The following CD163L1 variants were observed in gnomAD, a reference collection of about 807,000 sequenced individuals.
CD163L1 encodes the protein scavenger receptor cysteine-rich type 1 protein M160.
In CD163L1, 124 loss-of-function variants were observed where a neutral mutation model predicts 165.4. The ratio of observed to expected loss-of-function variants is 0.75; its 90% CI spans 0.65 to 0.87. CD163L1 has a LOEUF of 0.87. Ranked by LOEUF, CD163L1 falls within the 40% of genes least tolerant of loss-of-function variation. The pLI is 0.00. For missense variants in CD163L1, 1,525 were observed against 1,799.9 expected (o/e 0.85, Z 2.76); for synonymous variants, 585 against 662.2 (o/e 0.88, Z 1.79).
In CD163L1 at chr12:7,373,387, C is replaced by A. The variant is rs748553409; in HGVS notation, c.3663G>T (p.Gln1221His). Reference sequence around the variant, plus strand: ...TTCGCTCCCATGGGGCAGACAGGCACTGCCATATGGAGATATGCGTTTTAG... The same window carrying A: ...TTCGCTCCCATGGGGCAGACAGGCAATGCCATATGGAGATATGCGTTTTAG... ...QCPKTHISIWQCLSAPWERRI... is the reference protein window; with the variant it reads ...QCPKTHISIWHCLSAPWERRI... Residue 1221 changes from glutamine (Q) to histidine (H), a missense_variant, in exon 14 of 20, where the codon CAG (glutamine) becomes CAT (histidine). By Grantham distance (24) the Gln-to-His change is conservative (BLOSUM62 0). Coordinates refer to ENST00000313599, the MANE Select transcript of CD163L1 (RefSeq NM_174941.6). 6.2e-7 allele frequency: 1 copy of A among 1,614,000 alleles called. No homozygotes were observed. Among genetic ancestry groups the A allele is most frequent in the African/African-American group, 1.3e-5 (1 of 74,934 alleles).
At chr12:7,319,096 C>G in the CD163L1 span, among the ~76,000 whole-genome samples, 15 of 152,098 alleles carry the variant, frequency 9.9e-5, no homozygotes, top group African/African-American at 3.1e-4. Flanking sequence ...TCAGTGGAAG[C>G]CCTGAGATTG....
At chr12:7,442,185 G>A (rs927290500) in intron 1 of CD163L1, among the ~76,000 whole-genome samples, 5 of 152,130 alleles carry the variant, frequency 3.3e-5, no homozygotes, top group Non-Finnish European at 5.9e-5. Context: ...GTATGTAACA[G>A]CTGTAACTGT....
Position 7,406,519 on chromosome 12 carries a change from A to G in CD163L1, c.1087+13T>C. ...AATTTTATCTGATGTAATCATGTGG[A>G]TGTAAGTCTTACCTGAGCAGATCAC... On this transcript the variant is annotated intron_variant, in intron 5 of 19. Transcript: ENST00000313599. 6.2e-7 allele frequency: 1 copy of G among 1,608,244 alleles called. No individual in the cohort carries two copies. Among genetic ancestry groups the G allele is most frequent in the Non-Finnish European group, 8.5e-7 (1 of 1,178,594 alleles).
chr12:7,338,269 A>T, the CD163L1 span, among the ~76,000 whole-genome samples: 1 of 152,214 alleles, frequency 6.6e-6, no homozygotes, highest in African/African-American at 2.4e-5. Context: ...CCTATGTAAC[A>T]AACCTGCACA....
At chr12:7,405,332 CCTAA>C (rs766480970) in intron 5 of CD163L1, among the ~76,000 whole-genome samples, 10 of 152,160 alleles carry the variant, frequency 6.6e-5, no homozygotes, top group African/African-American at 2.4e-4. Flanking sequence ...TCTTTTCTCT[CCTAA>C]CTTTCGTCTA....
chr12:7,352,977 G>C (rs903668657), downstream of CD163L1, among the ~76,000 whole-genome samples: 1 of 152,198 alleles, frequency 6.6e-6, no homozygotes. Flanking sequence ...ATGAAATCTA[G>C]CTCTGAGGAG....
At chr12:7,389,071 G>A (rs1947586764) in intron 8 of CD163L1, among the ~76,000 whole-genome samples, 1 of 152,200 alleles carries the variant, frequency 6.6e-6, no homozygotes, top group South Asian at 2.1e-4. Context: ...AAACATAGGA[G>A]TGCAGATATC....
In CD163L1 at chr12:7,374,434, G is replaced by A. The variant is rs770459985; in HGVS notation, c.3409+8C>T. 7.5e-6 allele frequency: 12 copies of A among 1,603,546 alleles called. No homozygotes were observed. In the Admixed American group the frequency reaches 1.8e-4, roughly 25 times the overall value. On this transcript the variant is annotated splice_region_variant and intron_variant, in intron 13 of 19. Coordinates refer to ENST00000313599, the MANE Select transcript of CD163L1 (RefSeq NM_174941.6). This position sits in a 1 kb window ranked among gnomAD's most constrained non-coding sequence, Gnocchi z 5.4. ...TGTAGAGGAGGGTGAAAAGGTAGCA[G>A]CACAGACCTGAGCAGATGACCCCTG...
rs998807711 is a variant in CD163L1 at position 7,412,643 on chromosome 12, A to G, written c.767-5791T>C. On this transcript the variant is annotated intron_variant, in intron 4 of 19. Transcript: ENST00000313599. ...AGTATAAAAAGAGGAAGATCACAGG[A>G]AAAAAAAAATGTGTATTACCAGTAA... Among the ~76,000 whole-genome samples the G allele has an allele frequency of 6.0e-5, 9 of 150,184 alleles. No homozygotes were observed. The East Asian group carries it at 1.8e-3, about 29-fold the overall frequency.
the CD163L1 span, among the ~76,000 whole-genome samples, chr12:7,338,739 G>A: frequency 6.4e-4 from 97 of 152,260 alleles, no homozygotes; most frequent in African/African-American, 2.2e-3. Context: ...TGGCACATAT[G>A]GGATGAGGCT....
chr12:7,444,047 T>C (rs1328913895), intron 1 of CD163L1, 50 bp downstream of exon 1: 31 of 1,559,610 alleles, frequency 2.0e-5, no homozygotes, highest in Non-Finnish European at 2.5e-5. Context: ...ATATTCTTAG[T>C]ATACCCACCA....
At position 7,368,197 on chromosome 12, in the gene CD163L1, C is replaced by A. The variant is rs1009389129; in HGVS notation, c.4073G>T (p.Gly1358Val). Residue 1358 changes from glycine to valine, a missense_variant and splice_region_variant, in exon 17 of 20, where the codon GGT becomes GTT. By Grantham distance (109) the Gly-to-Val change is moderately radical. Transcript: ENST00000313599. The surrounding 1 kb of genome is among the most constrained non-coding windows in gnomAD (Gnocchi z 4.3). ...QSLKSLNASS[G>V]HLALILSSIF... ...ACTGGATAAAATAAGTGCTAAATGA[C>A]CTGTATAGAAATTAAGCATTGATAA... 2.0e-6 allele frequency: 3 copies of A among 1,531,824 alleles called. No individual in the cohort carries two copies. The highest frequency in any genetic ancestry group is 1.8e-6 in the Non-Finnish European group (2 of 1,106,250). 94.9% of individuals were successfully genotyped at this position (1,531,824 alleles called of 1,614,324 possible). A position where few individuals can be genotyped will look rare whatever the true frequency, so the allele number is the denominator to read the frequency against.
the CD163L1 span, among the ~76,000 whole-genome samples, chr12:7,336,519 G>A: frequency 6.6e-6 from 1 of 152,108 alleles, no homozygotes. Context: ...GGGGTGAGGG[G>A]AGCAGGGAGA....
the CD163L1 span, chr12:7,322,297 T>G: frequency 1.5e-6 from 2 of 1,372,550 alleles, no homozygotes; most frequent in Non-Finnish European, 1.0e-6. Context: ...ATTTGTTGAA[T>G]GAACTTTGCT....
the CD163L1 span, chr12:7,324,272 G>A: frequency 1.2e-6 from 2 of 1,611,660 alleles, no homozygotes; most frequent in South Asian, 2.2e-5. Flanking sequence ...TTGGTTCCCA[G>A]GACAATCCAC....
chr12:7,374,050 C>G lies in CD163L1; in HGVS notation c.3409+392G>C, dbSNP rs919870114. 2.6e-5 allele frequency among the ~76,000 whole-genome samples: 4 copies of G among 152,096 alleles called. No homozygotes were observed. Among genetic ancestry groups the G allele is most frequent in the African/African-American group, 9.7e-5 (4 of 41,416 alleles). ...CCTTCCTCATCCCTCTTTCCTCTTACCACTAGAGACAGAAACTAATAACCA... is the reference window on the plus strand; with the variant it reads ...CCTTCCTCATCCCTCTTTCCTCTTAGCACTAGAGACAGAAACTAATAACCA... On this transcript the variant is annotated intron_variant, in intron 13 of 19. Transcript: ENST00000313599. This position sits in a 1 kb window ranked among gnomAD's most constrained non-coding sequence, Gnocchi z 5.4.
chr12:7,324,390 A>G, the CD163L1 span: 6 of 1,613,998 alleles, frequency 3.7e-6, no homozygotes, highest in African/African-American at 8.0e-5. Flanking sequence ...TGATGTCATT[A>G]TATCCTCTGG....
At chr12:7,345,948 A>G (rs766397260), downstream of CD163L1, among the ~76,000 whole-genome samples, 10 of 152,178 alleles carry the variant, frequency 6.6e-5, no homozygotes, top group Non-Finnish European at 1.5e-4. Flanking sequence ...GAACTCGTTC[A>G]CTATTACAAG....
chr12:7,404,237 G>A (rs1279719771), intron 5 of CD163L1, among the ~76,000 whole-genome samples: 4 of 151,962 alleles, frequency 2.6e-5, no homozygotes, highest in Admixed American at 6.6e-5. Context: ...ATATTAGAGT[G>A]GTTATTTTTA....
Sources: allele counts gnomAD v4.1 joint callset (sites outside exome capture counted in the v4.1 genomes callset), GRCh38; gene constraint gnomAD v4.1.1; non-coding constraint Gnocchi (gnomAD v3.1); transcripts MANE v1.5; gene names NCBI Gene and HGNC (gene_info 2026-07-23, HGNC 2026-07-21).